The following BLTP3A variants were observed in gnomAD, a reference collection of about 807,000 sequenced individuals.
The protein encoded by BLTP3A is ICBP90 binding protein 1.
At chr6:34,867,707 G>T in the BLTP3A span, 1 of 1,456,936 alleles carries the variant, frequency 6.9e-7, no homozygotes, top group Non-Finnish European at 9.1e-7. Flanking sequence ...TCTAAGGGCA[G>T]CCACTCTACT....
At chr6:34,864,192 G>A in the BLTP3A span, 2 of 1,613,504 alleles carry the variant, frequency 1.2e-6, no homozygotes, top group East Asian at 2.2e-5. Context: ...GATGCTCTTG[G>A]AGTCTGGTAT....
At chr6:34,863,971 A>C in the BLTP3A span, 16 of 1,553,722 alleles carry the variant, frequency 1.0e-5, no homozygotes, top group African/African-American at 2.2e-4. Flanking sequence ...CCAAAGCCAC[A>C]TTTGTGGTTT....
At chr6:34,858,346 C>T in the BLTP3A span, 16 of 1,614,004 alleles carry the variant, frequency 9.9e-6, no homozygotes, top group Non-Finnish European at 1.1e-5. Context: ...TCTGCACATG[C>T]TTTTTTTGCA....
chr6:34,864,985 C>CTATT, the BLTP3A span, among the ~76,000 whole-genome samples: 33 of 151,950 alleles, frequency 2.2e-4, no homozygotes, highest in African/African-American at 7.2e-4. Flanking sequence ...AGAGAATGTC[C>CTATT]TATTTATTTA....
At chr6:34,830,367 T>TC in the BLTP3A span, among the ~76,000 whole-genome samples, 5 of 151,636 alleles carry the variant, frequency 3.3e-5, no homozygotes, top group African/African-American at 1.2e-4. Context: ...GGCGGGCAGA[T>TC]CACGAGGTCA....
the BLTP3A span, among the ~76,000 whole-genome samples, chr6:34,818,489 C>T: frequency 2.0e-5 from 3 of 147,570 alleles, no homozygotes; most frequent in African/African-American, 7.6e-5. Flanking sequence ...AAGAAAAAAA[C>T]GAGACTCAAT....
At chr6:34,812,312 G>A in the BLTP3A span, among the ~76,000 whole-genome samples, 1 of 141,606 alleles carries the variant, frequency 7.1e-6, no homozygotes, top group East Asian at 2.0e-4. Flanking sequence ...CTGGGCAACA[G>A]AGCGAAACTC....
chr6:34,823,135 C>A, the BLTP3A span: 4 of 754,386 alleles, frequency 5.3e-6, no homozygotes, highest in South Asian at 6.7e-5. Flanking sequence ...TATTGTCTGC[C>A]CACAATGGGT....
chr6:34,820,744 C>G, the BLTP3A span, among the ~76,000 whole-genome samples: 1 of 149,326 alleles, frequency 6.7e-6, no homozygotes, highest in Non-Finnish European at 1.5e-5. Flanking sequence ...GTGTCATGAT[C>G]ACGGCTCACT....
At chr6:34,807,280 G>A in the BLTP3A span, among the ~76,000 whole-genome samples, 3 of 148,454 alleles carry the variant, frequency 2.0e-5, no homozygotes, top group Non-Finnish European at 3.0e-5. Flanking sequence ...AAAGAATTTG[G>A]GCCCTAACCA....
the BLTP3A span, chr6:34,875,240 G>A: frequency 6.6e-6 from 1 of 152,554 alleles, no homozygotes; most frequent in Non-Finnish European, 1.5e-5. Flanking sequence ...GGGTAACTGT[G>A]TCCCTCAACA....
At chr6:34,792,353 T>C in the BLTP3A span, 2 of 1,438,758 alleles carry the variant, frequency 1.4e-6, no homozygotes, top group Non-Finnish European at 1.8e-6. Flanking sequence ...CTCTCCGACC[T>C]CCTCCCTGAC....
At chr6:34,792,164 G>A in the BLTP3A span, 17 of 1,281,524 alleles carry the variant, frequency 1.3e-5, no homozygotes, top group Non-Finnish European at 2.1e-6. Context: ...TCACGCCGCG[G>A]CGAGGTGAGG....
chr6:34,868,551 C>T, the BLTP3A span, among the ~76,000 whole-genome samples: 22 of 150,952 alleles, frequency 1.5e-4, no homozygotes, highest in African/African-American at 2.7e-4. Context: ...GGTGAAACCC[C>T]GTCTCTACTA....
At chr6:34,871,309 T>G in the BLTP3A span, among the ~76,000 whole-genome samples, 1 of 152,322 alleles carries the variant, frequency 6.6e-6, no homozygotes, top group South Asian at 2.1e-4. Flanking sequence ...AAATGTGTGT[T>G]GCTGTCAGAA....
the BLTP3A span, among the ~76,000 whole-genome samples, chr6:34,806,271 C>T: frequency 1.6e-4 from 24 of 152,294 alleles, no homozygotes; most frequent in African/African-American, 5.5e-4. Context: ...ATCTCATAGT[C>T]CTTAGGGTTA....
At chr6:34,855,652 C>A in the BLTP3A span, 10 of 1,613,830 alleles carry the variant, frequency 6.2e-6, no homozygotes, top group Non-Finnish European at 8.5e-6. Flanking sequence ...TGGTGCCATG[C>A]AGCTTACCTT....
chr6:34,796,670 A>G, the BLTP3A span, among the ~76,000 whole-genome samples: 3 of 152,238 alleles, frequency 2.0e-5, no homozygotes, highest in South Asian at 2.1e-4. Flanking sequence ...GCAAGCATCT[A>G]TCGTTAATGG....
the BLTP3A span, among the ~76,000 whole-genome samples, chr6:34,826,867 G>C: frequency 4.6e-5 from 7 of 152,072 alleles, no homozygotes; most frequent in African/African-American, 1.7e-4. Context: ...CTTTACCCTA[G>C]ACCTGAACTC....
Sources: gnomAD v4.1 joint callset for allele counts (sites outside exome capture counted in the v4.1 genomes callset) on GRCh38, gnomAD v4.1.1 for gene constraint, MANE v1.5 for transcripts, NCBI Gene and HGNC (gene_info 2026-07-23, HGNC 2026-07-21) for gene names.